Variants in GRIP1 observed in about 807,000 individuals in gnomAD.
The protein encoded by GRIP1 is glutamate receptor interacting protein 1, also known as glutamate receptor-interacting protein 1.
In GRIP1, 45 loss-of-function variants were observed where a neutral mutation model predicts 129.9. The ratio of observed to expected loss-of-function variants is 0.35; its 90% CI spans 0.27 to 0.44. The LOEUF (loss-of-function observed/expected upper bound fraction) is 0.44. Ranked by LOEUF, GRIP1 falls within the 20% of genes least tolerant of loss-of-function variation. The pLI is 1.00. For synonymous variants in GRIP1, 530 were observed against 520.8 expected, an observed-to-expected ratio of 1.02 and a Z score of -0.24; for missense variants, 1,196 against 1,396.8, an observed-to-expected ratio of 0.86 and a Z score of 2.29.
intron 2 of GRIP1, among the ~76,000 whole-genome samples, chr12:66,556,139 T>C (rs2062324304): frequency 6.6e-6 from 1 of 151,540 alleles, no homozygotes; most frequent in Non-Finnish European, 1.5e-5. Context: ...AATCAAACTC[T>C]CAAAGGCAAA....
At chr12:66,671,472 C>T (rs1170876420) in intron 1 of GRIP1, among the ~76,000 whole-genome samples, 2 of 152,118 alleles carry the variant, frequency 1.3e-5, no homozygotes, top group Non-Finnish European at 2.9e-5. Flanking sequence ...CTATAATAGC[C>T]TTCCTTATCC....
At chr12:66,685,765 C>A (rs564419663) in intron 1 of GRIP1, among the ~76,000 whole-genome samples, 2 of 152,274 alleles carry the variant, frequency 1.3e-5, no homozygotes, top group Middle Eastern at 3.4e-3. Context: ...CAGCTTATCA[C>A]CCTTTCTTGT....
chr12:66,684,603 G>A (rs1026897019), intron 1 of GRIP1, among the ~76,000 whole-genome samples: 3 of 152,112 alleles, frequency 2.0e-5, no homozygotes, highest in African/African-American at 7.2e-5. Context: ...CCAGCACTTT[G>A]GGAGGCCGAG....
At chr12:66,499,697 T>C (rs1023229044) in intron 7 of GRIP1, among the ~76,000 whole-genome samples, 3 of 152,094 alleles carry the variant, frequency 2.0e-5, no homozygotes, top group Non-Finnish European at 4.4e-5. Context: ...TTTAGCTGGG[T>C]TTACCAGGAT....
chr12:66,526,046 G>A (rs910628020), intron 5 of GRIP1, among the ~76,000 whole-genome samples: 12 of 152,112 alleles, frequency 7.9e-5, no homozygotes, highest in African/African-American at 2.7e-4. Context: ...ACAAACAAAT[G>A]GAAGAACATT....
intron 2 of GRIP1, chr12:66,564,267 C>A (rs1038401631): frequency 1.8e-5 from 2 of 109,250 alleles, no homozygotes; most frequent in Non-Finnish European, 1.8e-5. Context: ...CTAATGCTAT[C>A]CCTCCCCCCT....
intron 1 of GRIP1, among the ~76,000 whole-genome samples, chr12:66,831,040 T>C (rs1193463608): frequency 5.9e-5 from 9 of 151,886 alleles, no homozygotes; most frequent in Admixed American, 5.2e-4. Flanking sequence ...AGAGATGCGG[T>C]CTCACTGTTT....
At chr12:66,787,525 T>C (rs541850810) in intron 1 of GRIP1, among the ~76,000 whole-genome samples, 93 of 152,196 alleles carry the variant, frequency 6.1e-4, no homozygotes, top group Admixed American at 3.3e-3. Flanking sequence ...GTGATGATGG[T>C]ATTAAGAAGT....
Position 66,787,854 on chromosome 12 carries a change from G to T in GRIP1, c.-420+16199C>A, listed in dbSNP as rs575303433. 2.0e-5 allele frequency among the ~76,000 whole-genome samples: 3 copies of T among 152,264 alleles called. No individual in the cohort carries two copies. In the South Asian group the frequency reaches 6.2e-4, roughly 32 times the overall value. ...AAAGCAAACTGTATGAGTTAGAACA[G>T]GTAGGGACTTAAAGAGTGACAGAAG... On this transcript the variant is annotated intron_variant, in intron 1 of 4. Transcript: ENST00000538373.
At chr12:67,012,102 G>T (rs1451432629) in intron 1 of GRIP1, among the ~76,000 whole-genome samples, 1 of 152,170 alleles carries the variant, frequency 6.6e-6, no homozygotes, top group East Asian at 1.9e-4. Flanking sequence ...ATAAGCAGTT[G>T]TTGAATGGAT....
chr12:66,487,406 G>A (rs911055263), intron 7 of GRIP1, among the ~76,000 whole-genome samples: 6 of 152,080 alleles, frequency 3.9e-5, no homozygotes, highest in Non-Finnish European at 7.4e-5. Context: ...GAGAAATAAG[G>A]TCTTTTTCAG....
chr12:66,662,141 T>C (rs1432881839), intron 1 of GRIP1, among the ~76,000 whole-genome samples: 5 of 152,156 alleles, frequency 3.3e-5, no homozygotes, highest in South Asian at 2.1e-4. Context: ...GCGGTTCAGA[T>C]GAGTAACCCA....
At chr12:66,506,073 T>C (rs61925948) in intron 7 of GRIP1, among the ~76,000 whole-genome samples, 74,862 of 151,980 alleles carry the variant, frequency 0.49, 18,996 homozygotes, top group African/African-American at 0.62. Context: ...GTGAAGGATG[T>C]GAAACTGTTA....
chr12:66,758,277 A>T (rs985077390), intron 1 of GRIP1, among the ~76,000 whole-genome samples: 36 of 152,276 alleles, frequency 2.4e-4, no homozygotes, highest in Admixed American at 2.2e-3. Flanking sequence ...AAAAATGAGG[A>T]ACAAACAAAA....
intron 1 of GRIP1, among the ~76,000 whole-genome samples, chr12:66,618,898 G>A (rs1205478470): frequency 6.6e-6 from 1 of 152,008 alleles, no homozygotes; most frequent in Non-Finnish European, 1.5e-5. Context: ...ATCTTGGTAG[G>A]ATAAATAAAG....
At chr12:67,011,160 C>A (rs1328521621) in intron 1 of GRIP1, among the ~76,000 whole-genome samples, 3 of 152,084 alleles carry the variant, frequency 2.0e-5, no homozygotes, top group East Asian at 3.9e-4. Flanking sequence ...AAACTGAAAT[C>A]ATCATCATCA....
intron 1 of GRIP1, among the ~76,000 whole-genome samples, chr12:66,745,098 A>T (rs1056611900): frequency 7.5e-6 from 1 of 133,612 alleles, no homozygotes; most frequent in Admixed American, 7.9e-5. Context: ...ATAACAAGCA[A>T]CACGGAGATT....
chr12:66,750,002 T>C (rs2037074177), intron 1 of GRIP1, among the ~76,000 whole-genome samples: 1 of 152,228 alleles, frequency 6.6e-6, no homozygotes, highest in African/African-American at 2.4e-5. Context: ...TAATCTGTAC[T>C]GATTCTGCTG....
chr12:66,646,040 C>T (rs1363623366), intron 1 of GRIP1, among the ~76,000 whole-genome samples: 3 of 152,304 alleles, frequency 2.0e-5, no homozygotes, highest in Admixed American at 6.5e-5. Flanking sequence ...ACTGATGTTT[C>T]TTAACTGACT....
Sources: gnomAD v4.1 joint callset for allele counts (sites outside exome capture counted in the v4.1 genomes callset) on GRCh38, gnomAD v4.1.1 for gene constraint, MANE v1.5 for transcripts, NCBI Gene and HGNC (gene_info 2026-07-23, HGNC 2026-07-21) for gene names.